The following KCND2 variants were observed in gnomAD, a reference collection of about 807,000 sequenced individuals.
The protein encoded by KCND2 is potassium voltage-gated channel subfamily D member 2, also known as A-type voltage-gated potassium channel KCND2.
Under a neutral mutation model 54.4 loss-of-function variants are expected in KCND2, and 16 were observed. The observed-to-expected ratio is 0.29, with a 90% CI of 0.20 to 0.45. The LOEUF (loss-of-function observed/expected upper bound fraction) is 0.45. Among genes scored for constraint, KCND2 ranks in the 20% least tolerant of loss-of-function variants. The pLI is 1.00. For missense variants in KCND2, 486 were observed against 824.2 expected, an observed-to-expected ratio of 0.59 and a Z score of 5.02; for synonymous variants, 317 against 310.7, an observed-to-expected ratio of 1.02 and a Z score of -0.21.
chr7:120,493,968 A>G (rs1015034816), intron 1 of KCND2, among the ~76,000 whole-genome samples: 5 of 152,296 alleles, frequency 3.3e-5, no homozygotes, highest in African/African-American at 9.6e-5. Context: ...AGCTAATTAT[A>G]TTCAACTGAA....
At chr7:120,503,078 G>T (rs1214730021) in intron 1 of KCND2, among the ~76,000 whole-genome samples, 1 of 152,038 alleles carries the variant, frequency 6.6e-6, no homozygotes, top group Non-Finnish European at 1.5e-5. Flanking sequence ...GGTCTAGACT[G>T]AAACATCCAT....
chr7:120,570,375 G>C lies in KCND2; in HGVS notation c.1116-162528G>C, dbSNP rs549862164. ...TTTTACCACTGTGCATTATATCCACGTAATACAACTGCACTTTTACCTCCT... is the reference window on the plus strand; with the variant it reads ...TTTTACCACTGTGCATTATATCCACCTAATACAACTGCACTTTTACCTCCT... On this transcript the variant is annotated intron_variant, in intron 1 of 5. Coordinates refer to ENST00000331113, the MANE Select transcript of KCND2 (RefSeq NM_012281.3). Among the ~76,000 whole-genome samples, 6 of 150,366 alleles carry C rather than the reference G, an allele frequency of 4.0e-5. No homozygotes were observed. In the South Asian group the frequency reaches 1.3e-3, roughly 32 times the overall value.
chr7:120,441,012 C>A (rs1341266286), intron 1 of KCND2, among the ~76,000 whole-genome samples: 3 of 151,654 alleles, frequency 2.0e-5, no homozygotes, highest in Non-Finnish European at 4.4e-5. Flanking sequence ...GATGTGGGTA[C>A]ATGAAAATAG....
At chr7:120,422,779 T>A (rs1801645521) in intron 1 of KCND2, among the ~76,000 whole-genome samples, 1 of 152,164 alleles carries the variant, frequency 6.6e-6, no homozygotes, top group Non-Finnish European at 1.5e-5. Flanking sequence ...CAACTGGCCC[T>A]CAACACAGCT....
At chr7:120,383,166 A>G (rs765572223) in intron 1 of KCND2, among the ~76,000 whole-genome samples, 1 of 151,966 alleles carries the variant, frequency 6.6e-6, no homozygotes, top group Admixed American at 6.6e-5. Context: ...TCCTCATTCA[A>G]TAATCCCCTT....
intron 1 of KCND2, among the ~76,000 whole-genome samples, chr7:120,354,335 G>C (rs1371387358): frequency 6.6e-6 from 1 of 152,166 alleles, no homozygotes; most frequent in Non-Finnish European, 1.5e-5. Flanking sequence ...GTTATATAAT[G>C]AAACTTGTCA....
intron 1 of KCND2, among the ~76,000 whole-genome samples, chr7:120,598,076 AC>A (rs1562883976): frequency 6.6e-6 from 1 of 151,776 alleles, no homozygotes; most frequent in Admixed American, 6.6e-5. Flanking sequence ...ACCCAAAAAA[AC>A]TAAAAAAAAA....
chr7:120,399,514 A>T (rs1801212133), intron 1 of KCND2, among the ~76,000 whole-genome samples: 1 of 152,002 alleles, frequency 6.6e-6, no homozygotes, highest in Non-Finnish European at 1.5e-5. Flanking sequence ...TTCTCTCTAT[A>T]TAGTATTGTG....
chr7:120,311,349 T>A (rs1172806997), intron 1 of KCND2, among the ~76,000 whole-genome samples: 1 of 152,168 alleles, frequency 6.6e-6, no homozygotes, highest in Non-Finnish European at 1.5e-5. Context: ...AAAAGAAGAA[T>A]AGAAATAGTT....
At chr7:120,664,714 C>G (rs1018640453) in intron 1 of KCND2, among the ~76,000 whole-genome samples, 6 of 151,972 alleles carry the variant, frequency 3.9e-5, no homozygotes, top group African/African-American at 1.4e-4. Flanking sequence ...TTTATGAACC[C>G]TTGATTTTCT....
At chr7:120,452,749 G>C (rs889164756) in intron 1 of KCND2, among the ~76,000 whole-genome samples, 1 of 152,156 alleles carries the variant, frequency 6.6e-6, no homozygotes, top group African/African-American at 2.4e-5. Flanking sequence ...GAGCACAGAG[G>C]GTTTGGTGTG....
At chr7:120,610,463 G>C (rs990820520) in intron 1 of KCND2, among the ~76,000 whole-genome samples, 2 of 152,028 alleles carry the variant, frequency 1.3e-5, no homozygotes, top group Admixed American at 6.6e-5. Flanking sequence ...TCTTGGACTG[G>C]TGGACTAGTG....
chr7:120,434,522 ACTT>A (rs1173778812), intron 1 of KCND2, among the ~76,000 whole-genome samples: 1 of 152,180 alleles, frequency 6.6e-6, no homozygotes, highest in Non-Finnish European at 1.5e-5. Context: ...AGAAAAGCCA[ACTT>A]CTTCTTTGTT....
intron 1 of KCND2, among the ~76,000 whole-genome samples, chr7:120,279,100 T>A (rs1799224430): frequency 6.6e-6 from 1 of 151,974 alleles, no homozygotes; most frequent in Admixed American, 6.6e-5. Flanking sequence ...TATTTTTCAT[T>A]TAGATTGTAG....
intron 1 of KCND2, among the ~76,000 whole-genome samples, chr7:120,373,252 TC>T (rs1392154350): frequency 2.0e-5 from 3 of 151,872 alleles, no homozygotes; most frequent in Non-Finnish European, 4.4e-5. Context: ...TCATTTTTCT[TC>T]CATAAATAAG....
intron 1 of KCND2, among the ~76,000 whole-genome samples, chr7:120,725,795 G>A (rs1327007416): frequency 6.6e-6 from 1 of 152,056 alleles, no homozygotes; most frequent in African/African-American, 2.4e-5. Flanking sequence ...CATTATTTGG[G>A]CTATAACACT....
chr7:120,656,738 G>C (rs1394499834), intron 1 of KCND2, among the ~76,000 whole-genome samples: 1 of 152,188 alleles, frequency 6.6e-6, no homozygotes, highest in Non-Finnish European at 1.5e-5. Flanking sequence ...CTGTGGCTAA[G>C]CAGGAATGTT....
chr7:120,630,601 T>C (rs1476404997), intron 1 of KCND2, among the ~76,000 whole-genome samples: 5 of 152,112 alleles, frequency 3.3e-5, no homozygotes, highest in African/African-American at 1.2e-4. Context: ...CAAATATCTA[T>C]AATCTATAAT....
At chr7:120,712,211 G>T (rs1191496873) in intron 1 of KCND2, among the ~76,000 whole-genome samples, 4 of 47,966 alleles carry the variant, frequency 8.3e-5, no homozygotes, top group Admixed American at 6.6e-4. Context: ...CTTCTATTTT[G>T]TGGGTTTTCT....
Sources: allele counts gnomAD v4.1 joint callset (sites outside exome capture counted in the v4.1 genomes callset), GRCh38; gene constraint gnomAD v4.1.1; transcripts MANE v1.5; gene names NCBI Gene and HGNC (gene_info 2026-07-23, HGNC 2026-07-21).